Variants in VWA5B1 observed in about 807,000 individuals in gnomAD.
VWA5B1 encodes von Willebrand factor A domain-containing protein 5B1.
In VWA5B1, 115 loss-of-function variants were observed where a neutral mutation model predicts 118.2. That is an observed-to-expected ratio of 0.97 (90% confidence interval 0.84 to 1.14). VWA5B1 has a LOEUF of 1.14. VWA5B1 is among the 50% of genes most tolerant of loss of function. The pLI is 0.00. For missense variants in VWA5B1, 1,596 were observed against 1,603.8 expected (o/e 1.00, Z 0.08); for synonymous variants, 682 against 658.4 (o/e 1.04, Z -0.55).
At chr1:20,352,665 G>T (rs1396320137) in intron 21 of VWA5B1, among the ~76,000 whole-genome samples, 1 of 152,162 alleles carries the variant, frequency 6.6e-6, no homozygotes, top group Non-Finnish European at 1.5e-5. Flanking sequence ...GAATTAAGGA[G>T]CAAGGGAGAC....
At chr1:20,303,389 A>G (rs1297365189) in intron 1 of VWA5B1, 3 of 152,586 alleles carry the variant, frequency 2.0e-5, no homozygotes, top group African/African-American at 7.2e-5. Flanking sequence ...TGGGAGGAAC[A>G]TGTTTCTGGG....
Position 20,305,150 on chromosome 1 carries a change from C to T in VWA5B1, c.-26-5426C>T, listed in dbSNP as rs531010661. Among the ~76,000 whole-genome samples, 202 of 145,434 alleles carry T rather than the reference C, an allele frequency of 1.4e-3. 2 individuals are homozygous for T. The highest frequency in any genetic ancestry group is 5.4e-3 in the African/African-American group (197 of 36,632). Reference sequence around the variant, plus strand: ...ATATTATGTCAGATGGTGATAAGTGCTAAGGAAAAAAAACAAAGAAAGGAA... The same window carrying T: ...ATATTATGTCAGATGGTGATAAGTGTTAAGGAAAAAAAACAAAGAAAGGAA... On this transcript the variant is annotated intron_variant, in intron 1 of 21. Transcript: ENST00000289815.
chr1:20,318,778 C>A, intron 6 of VWA5B1, 57 bp downstream of exon 6: 1 of 1,437,100 alleles, frequency 7.0e-7, no homozygotes, highest in Non-Finnish European at 9.2e-7. Context: ...AGGTGCTGAT[C>A]CTGTGGGGAC....
rs922999205 is a variant in VWA5B1 at position 20,357,570 on chromosome 1, C to T, written c.*3307C>T. Among the ~76,000 whole-genome samples, 6 of 152,266 alleles carry T rather than the reference C, an allele frequency of 3.9e-5. No individual in the cohort carries two copies. The highest frequency in any genetic ancestry group is 1.2e-4 in the African/African-American group (5 of 41,478). ...GGCACTGGCGTTCAGAAAGCCTTTA[C>T]TGGGTGCCTACTGTATGCCAGGCAT... On this transcript the variant is annotated 3_prime_UTR_variant, in exon 22 of 22. Coordinates refer to ENST00000289815, the MANE Select transcript of VWA5B1 (RefSeq NM_001039500.3).
At chr1:20,320,944 A>G (rs1368054553) in intron 7 of VWA5B1, among the ~76,000 whole-genome samples, 1 of 152,116 alleles carries the variant, frequency 6.6e-6, no homozygotes, top group Non-Finnish European at 1.5e-5. Flanking sequence ...AGAGACAGCG[A>G]GATCCCTTGG....
rs937346243 is a variant in VWA5B1, at chr1:20,312,856, G to C, written c.160G>C (p.Asp54His). 6.4e-7 allele frequency: 1 copy of C among 1,551,328 alleles called. No individual in the cohort carries two copies. The highest frequency in any genetic ancestry group is 8.7e-7 in the Non-Finnish European group (1 of 1,146,752). ...PFQGLFVYPLDECTTVIGFEA... is the reference protein window; with the variant it reads ...PFQGLFVYPLHECTTVIGFEA... ...GACAGGCCTCTTCGTGTACCCCCTG[G>C]ATGAGTGCACCACGGTGATCGGCTT... Residue 54 changes from aspartate to histidine, a missense_variant, in exon 3 of 22, where the codon GAT (aspartate) becomes CAT (histidine). By Grantham distance (81) the Asp-to-His change is moderately conservative (BLOSUM62 -1). Coordinates refer to ENST00000289815, the MANE Select transcript of VWA5B1 (RefSeq NM_001039500.3).
intron 7 of VWA5B1, among the ~76,000 whole-genome samples, chr1:20,322,692 T>C (rs2089257517): frequency 6.6e-6 from 1 of 152,230 alleles, no homozygotes; most frequent in Admixed American, 6.5e-5. Flanking sequence ...ATGGCAATGA[T>C]GGCTGCTGTT....
At position 20,359,092 on chromosome 1, in the gene VWA5B1, GT is replaced by G. The variant is rs1240866520; in HGVS notation, c.*4833del. On this transcript the variant is annotated 3_prime_UTR_variant, in exon 22 of 22. Coordinates refer to ENST00000289815, the MANE Select transcript of VWA5B1 (RefSeq NM_001039500.3). Reference sequence around the variant, plus strand: ...AAATCTCCTTGGCTCAGGGCCAGCCGTTTTGAGCTTACAGCCACGTCCCAAC... The same window carrying G: ...AAATCTCCTTGGCTCAGGGCCAGCCGTTTGAGCTTACAGCCACGTCCCAAC... Among the ~76,000 whole-genome samples, 3 of 152,222 alleles carry G rather than the reference GT, an allele frequency of 2.0e-5. No homozygotes were observed. Among genetic ancestry groups the G allele is most frequent in the African/African-American group, 7.2e-5 (3 of 41,454 alleles).
intron 14 of VWA5B1, 43 bp downstream of exon 14, chr1:20,337,879 C>T (rs1233752446): frequency 6.4e-7 from 1 of 1,550,538 alleles, no homozygotes; most frequent in East Asian, 2.4e-5. Flanking sequence ...GGGAAGGCGA[C>T]AGGCAGGGGA....
chr1:20,324,285 T>C (rs2089310054), intron 8 of VWA5B1, among the ~76,000 whole-genome samples: 2 of 152,310 alleles, frequency 1.3e-5, no homozygotes, highest in Middle Eastern at 3.4e-3. Context: ...GAGCTTGGTC[T>C]CCCTGCTAAG....
intron 1 of VWA5B1, among the ~76,000 whole-genome samples, chr1:20,305,233 A>G (rs1284555075): frequency 6.6e-6 from 1 of 152,196 alleles, no homozygotes; most frequent in African/African-American, 2.4e-5. Context: ...TTGAAGATGG[A>G]CCCATCACAG....
rs868746599 is a variant in VWA5B1, at chr1:20,318,423, G to T, written c.710-167G>T. 4.5e-6 allele frequency: 4 copies of T among 886,130 alleles called. No individual in the cohort carries two copies. In the African/African-American group the frequency reaches 5.0e-5, roughly 11 times the overall value. The allele number at this position is 886,130 out of a possible 1,614,324, so 54.9% of individuals were successfully genotyped here. ...CATCTATCTAAGCTTTCATTTTACAGGTGGGGAAATTGAGGCAGCCTGGCC... is the reference window on the plus strand; with the variant it reads ...CATCTATCTAAGCTTTCATTTTACATGTGGGGAAATTGAGGCAGCCTGGCC... On this transcript the variant is annotated intron_variant, in intron 5 of 21. Transcript: ENST00000289815.
intron 17 of VWA5B1, 81 bp downstream of exon 17, chr1:20,345,674 G>T: frequency 6.9e-7 from 1 of 1,453,886 alleles, no homozygotes; most frequent in South Asian, 1.5e-5. Context: ...AGATACAAAG[G>T]ACCACAGACC....
Position 20,318,579 on chromosome 1 carries a change from A to G in VWA5B1, c.710-11A>G. 6.4e-7 allele frequency: 1 copy of G among 1,551,172 alleles called. No homozygotes were observed. Among genetic ancestry groups the G allele is most frequent in the South Asian group, 1.2e-5 (1 of 84,018 alleles). On this transcript the variant is annotated splice_polypyrimidine_tract_variant and intron_variant, in intron 5 of 21. Coordinates refer to ENST00000289815, the MANE Select transcript of VWA5B1 (RefSeq NM_001039500.3). The stretch of plus-strand genomic sequence containing the variant: ...GAGCCTATATCCCCCTTGCCTTTCT[A>G]TGCCACTCAGGGGTGGAGAGTCCCA...
chr1:20,352,265 A>C, intron 21 of VWA5B1, 93 bp downstream of exon 21: 4 of 959,536 alleles, frequency 4.2e-6, no homozygotes, highest in Non-Finnish European at 6.2e-6. Flanking sequence ...CCACTTCCTC[A>C]AAGAGAAGAA....
At chr1:20,350,704 G>C (rs10916772) in intron 19 of VWA5B1, among the ~76,000 whole-genome samples, 153 bp from the exon 20 acceptor site, 23,142 of 152,148 alleles carry the variant, frequency 0.15, 2,407 homozygotes, top group East Asian at 0.58. Context: ...CAACTGGAGC[G>C]GAAGGAGCTC....
intron 1 of VWA5B1, among the ~76,000 whole-genome samples, chr1:20,306,403 G>A (rs1160932691): frequency 6.6e-6 from 1 of 152,194 alleles, no homozygotes; most frequent in Non-Finnish European, 1.5e-5. Flanking sequence ...CTGGATCCTT[G>A]TCTTCAAAGG....
At chr1:20,330,034 GT>G in intron 9 of VWA5B1, 145 bp from the exon 10 acceptor site, 2 of 900,178 alleles carry the variant, frequency 2.2e-6, no homozygotes, top group Admixed American at 2.3e-5. Context: ...CATTCTTCCT[GT>G]GAGTGTGGGC....
chr1:20,344,186 C>T (rs2089960674), intron 16 of VWA5B1, among the ~76,000 whole-genome samples: 2 of 151,820 alleles, frequency 1.3e-5, no homozygotes, highest in African/African-American at 4.8e-5. Context: ...CTTCCACCCC[C>T]ATTCAGTGAC....
Sources: gnomAD v4.1 joint callset for allele counts (sites outside exome capture counted in the v4.1 genomes callset) on GRCh38, gnomAD v4.1.1 for gene constraint, MANE v1.5 for transcripts, NCBI Gene and HGNC (gene_info 2026-07-23, HGNC 2026-07-21) for gene names.